CCDC178: variants seen among roughly 807,000 people sequenced by gnomAD.
The protein encoded by CCDC178 is coiled-coil domain containing 178.
CCDC178 carries 126 observed loss-of-function variants against 117.4 expected under a neutral mutation model. The observed-to-expected ratio is 1.07, with a 90% CI of 0.93 to 1.24. The LOEUF (loss-of-function observed/expected upper bound fraction) is 1.24, where lower values mean the gene tolerates loss of function less well. Ranked by LOEUF, CCDC178 falls within the 50% of genes most tolerant of loss-of-function variation. CCDC178 has a pLI of 0.00. For missense variants in CCDC178, 1,030 were observed against 986.9 expected (o/e 1.04, Z -0.59); for synonymous variants, 283 against 313.4 (o/e 0.90, Z 1.02).
chr18:33,175,923 T>C (rs1395893756), intron 20 of CCDC178, among the ~76,000 whole-genome samples: 2 of 152,190 alleles, frequency 1.3e-5, no homozygotes, highest in African/African-American at 4.8e-5. Flanking sequence ...CTCTGATCAA[T>C]TCTCCACTTT....
intron 21 of CCDC178, among the ~76,000 whole-genome samples, chr18:33,049,569 T>C (rs549868521): frequency 6.6e-6 from 1 of 152,286 alleles, no homozygotes; most frequent in East Asian, 1.9e-4. Context: ...CAGTTAACCA[T>C]CTCCCAATTG....
intron 11 of CCDC178, among the ~76,000 whole-genome samples, chr18:33,296,879 C>T (rs1486003129): frequency 1.3e-5 from 2 of 152,036 alleles, no homozygotes; most frequent in African/African-American, 4.8e-5. Flanking sequence ...ACAAAATTAG[C>T]CGAGAGTGGT....
chr18:33,296,880 C>T (rs6507008), intron 11 of CCDC178, among the ~76,000 whole-genome samples: 126,534 of 151,982 alleles, frequency 0.83, 53,384 homozygotes, highest in South Asian at 0.93. Context: ...CAAAATTAGC[C>T]GAGAGTGGTG....
At chr18:33,008,621 T>C (rs552445252) in intron 21 of CCDC178, among the ~76,000 whole-genome samples, 6 of 152,222 alleles carry the variant, frequency 3.9e-5, no homozygotes, top group African/African-American at 1.4e-4. Context: ...CTTATGTTTA[T>C]ATCAAAATTG....
intron 21 of CCDC178, among the ~76,000 whole-genome samples, chr18:32,987,345 A>G (rs1460262481): frequency 1.3e-5 from 2 of 152,072 alleles, no homozygotes; most frequent in African/African-American, 2.4e-5. Context: ...AACATTGAGT[A>G]TAGTAGGCAA....
At chr18:33,374,827 T>G (rs1215677859) in intron 5 of CCDC178, among the ~76,000 whole-genome samples, 3 of 152,300 alleles carry the variant, frequency 2.0e-5, no homozygotes, top group African/African-American at 4.8e-5. Flanking sequence ...ACAGCATGGA[T>G]GAATATTACA....
intron 21 of CCDC178, among the ~76,000 whole-genome samples, chr18:33,026,718 G>A (rs746761917): frequency 1.3e-4 from 20 of 151,634 alleles, no homozygotes; most frequent in Non-Finnish European, 2.8e-4. Flanking sequence ...GAAGTAAAGT[G>A]CCAAGAGTAA....
At chr18:32,949,349 T>A (rs2054425728) in intron 22 of CCDC178, among the ~76,000 whole-genome samples, 2 of 152,124 alleles carry the variant, frequency 1.3e-5, no homozygotes, top group African/African-American at 4.8e-5. Flanking sequence ...CTCTTTATTT[T>A]CTTCTCTTTC....
intron 20 of CCDC178, among the ~76,000 whole-genome samples, chr18:33,171,465 G>C (rs1440503958): frequency 6.6e-6 from 1 of 152,194 alleles, no homozygotes; most frequent in Non-Finnish European, 1.5e-5. Flanking sequence ...TAATTCTATA[G>C]AGAAGAGATA....
At chr18:33,276,932 T>C (rs565906284) in intron 12 of CCDC178, among the ~76,000 whole-genome samples, 14 of 152,064 alleles carry the variant, frequency 9.2e-5, no homozygotes, top group Non-Finnish European at 2.1e-4. Context: ...AAAAAACTAC[T>C]CAATACATTG....
intron 11 of CCDC178, among the ~76,000 whole-genome samples, chr18:33,299,036 T>C (rs540981558): frequency 3.1e-4 from 47 of 152,252 alleles, no homozygotes; most frequent in African/African-American, 1.1e-3. Flanking sequence ...AAAATGACCA[T>C]ACTACCCAAA....
chr18:32,997,956 G>A (rs557778959), intron 21 of CCDC178, among the ~76,000 whole-genome samples: 3 of 152,150 alleles, frequency 2.0e-5, no homozygotes, highest in Non-Finnish European at 4.4e-5. Flanking sequence ...TTGTCCTCCC[G>A]ACAGGAGCAT....
At chr18:33,165,730 G>A (rs1164044830) in intron 20 of CCDC178, among the ~76,000 whole-genome samples, 1 of 152,008 alleles carries the variant, frequency 6.6e-6, no homozygotes, top group Non-Finnish European at 1.5e-5. Context: ...TAAAAAAAAG[G>A]CTAGTTCAAT....
intron 22 of CCDC178, among the ~76,000 whole-genome samples, chr18:32,957,604 T>A (rs947830803): frequency 2.6e-5 from 4 of 152,202 alleles, no homozygotes; most frequent in African/African-American, 9.6e-5. Context: ...ATGCTTCAAA[T>A]CAATTTTTAA....
chr18:33,268,823 A>T (rs2059852498), intron 12 of CCDC178, among the ~76,000 whole-genome samples: 2 of 151,852 alleles, frequency 1.3e-5, no homozygotes, highest in African/African-American at 4.8e-5. Flanking sequence ...AAAAATGTCA[A>T]ATCAGCCTTG....
chr18:33,429,376 CAG>C (rs990898615), intron 2 of CCDC178, among the ~76,000 whole-genome samples: 3 of 150,760 alleles, frequency 2.0e-5, no homozygotes, highest in African/African-American at 2.4e-5. Context: ...GAGAGACAGA[CAG>C]AGAGAGAGAG....
chr18:32,983,010 C>T (rs1474126230), intron 21 of CCDC178, among the ~76,000 whole-genome samples: 1 of 151,808 alleles, frequency 6.6e-6, no homozygotes, highest in Non-Finnish European at 1.5e-5. Context: ...AACAAATGTA[C>T]CAGCTGGCAT....
At chr18:33,200,668 T>C (rs2144553663) in intron 20 of CCDC178, among the ~76,000 whole-genome samples, 1 of 152,340 alleles carries the variant, frequency 6.6e-6, no homozygotes, top group East Asian at 1.9e-4. Flanking sequence ...GCTGTCTTGT[T>C]CCCACTTTCC....
chr18:33,338,371 T>C (rs193003769), intron 9 of CCDC178, among the ~76,000 whole-genome samples: 10 of 152,138 alleles, frequency 6.6e-5, no homozygotes, highest in Admixed American at 2.0e-4. Flanking sequence ...TAAAAGTAGA[T>C]CTCCCATTTG....
Sources: allele counts gnomAD v4.1 joint callset (sites outside exome capture counted in the v4.1 genomes callset), GRCh38; gene constraint gnomAD v4.1.1; transcripts MANE v1.5; gene names NCBI Gene and HGNC (gene_info 2026-07-23, HGNC 2026-07-21).